CALD1: variants seen among roughly 807,000 people sequenced by gnomAD.
CALD1 encodes the protein caldesmon.
Under a neutral mutation model 99.9 loss-of-function variants are expected in CALD1, and 33 were observed. The ratio of observed to expected loss-of-function variants is 0.33; its 90% confidence interval spans 0.25 to 0.44. The LOEUF is 0.44. CALD1 is among the 20% of genes least tolerant of loss of function. The pLI is 1.00. For missense variants in CALD1, 861 were observed against 962.1 expected (o/e 0.89, Z 1.39); for synonymous variants, 310 against 325.0 (o/e 0.95, Z 0.50).
At chr7:134,955,259 G>A (rs939062463) in intron 9 of CALD1, among the ~76,000 whole-genome samples, 21 of 152,088 alleles carry the variant, frequency 1.4e-4, no homozygotes, top group African/African-American at 4.1e-4. Context: ...GCATGGTGGC[G>A]CGCATCTGTA....
intron 1 of CALD1, among the ~76,000 whole-genome samples, chr7:134,823,937 T>C (rs1798884249): frequency 1.3e-5 from 2 of 152,156 alleles, no homozygotes; most frequent in Non-Finnish European, 2.9e-5. Flanking sequence ...GAACATGCCA[T>C]ATGATTTTTT....
rs766828874 is a variant in CALD1 at position 134,867,817 on chromosome 7, G to A, written c.71+13G>A. On this transcript the variant is annotated intron_variant, in intron 3 of 14. Coordinates refer to ENST00000361675, the MANE Select transcript of CALD1 (RefSeq NM_033138.4). The stretch of plus-strand genomic sequence containing the variant: ...TCGAAGCAGAAAGGTAAGGATCTAG[G>A]GTGAAAAATACTTGTATTCCCTTAT... The A allele has an allele frequency of 6.4e-6, 10 of 1,561,196 alleles. No individual in the cohort carries two copies. The highest frequency in any genetic ancestry group is 1.1e-5 in the South Asian group (1 of 88,032).
At chr7:134,872,388 T>C (rs978068978) in intron 3 of CALD1, among the ~76,000 whole-genome samples, 2 of 149,380 alleles carry the variant, frequency 1.3e-5, no homozygotes, top group Non-Finnish European at 3.0e-5. Context: ...AAAAACTTCC[T>C]TCTTTGTCTT....
chr7:134,822,940 T>C (rs139971093), intron 1 of CALD1, among the ~76,000 whole-genome samples: 1,608 of 152,338 alleles, frequency 0.011, 12 homozygotes, highest in Non-Finnish European at 0.019. Context: ...TTTAGTACTT[T>C]ACATGTAGAA....
intron 1 of CALD1, among the ~76,000 whole-genome samples, chr7:134,757,289 C>A (rs762269284): frequency 3.3e-5 from 5 of 152,178 alleles, no homozygotes; most frequent in Non-Finnish European, 7.3e-5. Flanking sequence ...TGAATGACGA[C>A]CCCTGGAGTT....
intron 3 of CALD1, among the ~76,000 whole-genome samples, chr7:134,870,259 G>T (rs1222108432): frequency 6.6e-6 from 1 of 152,188 alleles, no homozygotes; most frequent in East Asian, 1.9e-4. Context: ...GGCTAGAGAG[G>T]CTCAGGACTG....
At chr7:134,859,472 A>C (rs1464804891) in intron 2 of CALD1, among the ~76,000 whole-genome samples, 1 of 152,194 alleles carries the variant, frequency 6.6e-6, no homozygotes, top group African/African-American at 2.4e-5. Context: ...CCTTGAGTTC[A>C]TCAAGGAAAA....
Position 134,848,096 on chromosome 7 carries a change from GGAAAAAAAAAAA to G in CALD1, c.-42+4127_-42+4138del, listed in dbSNP as rs1171480520. ...GACTTAAGCAGAACAAACAGTCTGG[GGAAAAAAAAAAA>G]GCCCTAAGACATTTTCCTTCCTACT... On this transcript the variant is annotated intron_variant, in intron 2 of 14. Transcript: ENST00000361675. Among the ~76,000 whole-genome samples the G allele has an allele frequency of 5.4e-5, 8 of 148,850 alleles. No homozygotes were observed. The East Asian group carries it at 1.4e-3, about 25-fold the overall frequency.
intron 7 of CALD1, among the ~76,000 whole-genome samples, chr7:134,942,450 C>T (rs1212822235): frequency 6.6e-6 from 1 of 151,990 alleles, no homozygotes; most frequent in Non-Finnish European, 1.5e-5. Context: ...CTAAAGCTCA[C>T]AGAAGAAAAG....
chr7:134,807,357 AT>A (rs1455468297), intron 1 of CALD1, among the ~76,000 whole-genome samples: 1 of 152,072 alleles, frequency 6.6e-6, no homozygotes, highest in East Asian at 1.9e-4. Context: ...AATGATTTCT[AT>A]TTTTCCCTAT....
In CALD1 at chr7:134,769,665, G is replaced by A. The variant is rs867655758; in HGVS notation, c.-130+25302G>A. On this transcript the variant is annotated intron_variant, in intron 1 of 13. Transcript: ENST00000417172. ...TTTTTTTTTAAGATGGAGTCTTGCT[G>A]TGTTGCCCAGACTAGAGTGCAGAGT... Among the ~76,000 whole-genome samples the A allele has an allele frequency of 3.2e-4, 48 of 151,972 alleles. 1 individual carries two copies. The highest frequency in any genetic ancestry group is 3.2e-3 in the Middle Eastern group (1 of 316).
At chr7:134,894,296 G>A (rs569518136) in intron 3 of CALD1, among the ~76,000 whole-genome samples, 1 of 152,250 alleles carries the variant, frequency 6.6e-6, no homozygotes, top group South Asian at 2.1e-4. Flanking sequence ...TTTCAATAAA[G>A]TTATTGTTGA....
At chr7:134,774,247 T>C (rs1335136364) in intron 1 of CALD1, among the ~76,000 whole-genome samples, 1 of 152,006 alleles carries the variant, frequency 6.6e-6, no homozygotes, top group East Asian at 1.9e-4. Flanking sequence ...CACTGGACAA[T>C]GTCTCTCAAA....
intron 1 of CALD1, among the ~76,000 whole-genome samples, chr7:134,758,656 C>A (rs1796751413): frequency 6.6e-6 from 1 of 152,120 alleles, no homozygotes; most frequent in Admixed American, 6.5e-5. Flanking sequence ...TGTTTCTTTA[C>A]TCCAAAGTCT....
chr7:134,942,287 G>A lies in CALD1; in HGVS notation c.1532+1050G>A, dbSNP rs143481263. ...AATCTGACATGCTCCTCACACCAAA[G>A]CCTTTGTAATATTCAAAAGCAGGCG... is the stretch of plus-strand genomic sequence containing the variant. On this transcript the variant is annotated intron_variant, in intron 7 of 14. Transcript: ENST00000361675. 4.6e-5 allele frequency among the ~76,000 whole-genome samples: 7 copies of A among 152,310 alleles called. No homozygotes were observed. In the East Asian group the frequency reaches 1.3e-3, roughly 29 times the overall value.
the CALD1 span, among the ~76,000 whole-genome samples, chr7:134,727,629 C>T: frequency 6.6e-6 from 1 of 152,238 alleles, no homozygotes; most frequent in Non-Finnish European, 1.5e-5. Context: ...CATCAGGTTA[C>T]TTTCCTTGCA....
intron 1 of CALD1, among the ~76,000 whole-genome samples, chr7:134,745,284 G>C (rs1162311281): frequency 6.6e-6 from 1 of 152,180 alleles, no homozygotes; most frequent in African/African-American, 2.4e-5. Context: ...GTCAGAATTA[G>C]TTGACTAGTT....
chr7:134,756,958 T>C (rs551403812), intron 1 of CALD1, among the ~76,000 whole-genome samples: 3 of 152,314 alleles, frequency 2.0e-5, no homozygotes, highest in South Asian at 2.1e-4. Flanking sequence ...AACCGCCACT[T>C]ACGCTCATTT....
At chr7:134,924,831 G>T (rs996915450) in intron 3 of CALD1, among the ~76,000 whole-genome samples, 1 of 152,110 alleles carries the variant, frequency 6.6e-6, no homozygotes, top group African/African-American at 2.4e-5. Flanking sequence ...CATGGGTGCA[G>T]TTTCCCCCGT....
Sources: gnomAD v4.1 joint callset for allele counts (sites outside exome capture counted in the v4.1 genomes callset) on GRCh38, gnomAD v4.1.1 for gene constraint, MANE v1.5 for transcripts, NCBI Gene and HGNC (gene_info 2026-07-23, HGNC 2026-07-21) for gene names.